Variants in EML6 observed in about 807,000 individuals in gnomAD.
EML6 encodes echinoderm microtubule-associated protein-like 6.
Under a neutral mutation model 240.1 loss-of-function variants are expected in EML6, and 154 were observed. That is an observed-to-expected ratio of 0.64 (90% confidence interval 0.56 to 0.73). The LOEUF (loss-of-function observed/expected upper bound fraction) is 0.73. EML6 is among the 30% of genes least tolerant of loss of function. EML6 has a pLI of 0.00. For missense variants in EML6, 2,964 were observed against 2,474.6 expected (o/e 1.20, Z -4.20); for synonymous variants, 1,148 against 899.0 (o/e 1.28, Z -4.95).
At chr2:54,890,560 G>A (rs1218784132) in intron 17 of EML6, among the ~76,000 whole-genome samples, 1 of 152,070 alleles carries the variant, frequency 6.6e-6, no homozygotes, top group African/African-American at 2.4e-5. Flanking sequence ...TGTGGGTCCA[G>A]GGCTTCAACT....
At chr2:54,893,421 C>T (rs1672584646) in intron 19 of EML6, among the ~76,000 whole-genome samples, 1 of 152,106 alleles carries the variant, frequency 6.6e-6, no homozygotes, top group African/African-American at 2.4e-5. Context: ...GGTCCGAAAT[C>T]ATCCTTTAGT....
intron 41 of EML6, among the ~76,000 whole-genome samples, chr2:54,969,374 G>A (rs1244351026): frequency 6.6e-6 from 1 of 152,162 alleles, no homozygotes; most frequent in Non-Finnish European, 1.5e-5. Context: ...GAGTTAGGTT[G>A]TAAGAAAGGC....
chr2:54,848,825 T>C (rs1268540600), intron 9 of EML6, among the ~76,000 whole-genome samples: 1 of 152,180 alleles, frequency 6.6e-6, no homozygotes, highest in Non-Finnish European at 1.5e-5. Context: ...AAACAAAATA[T>C]TCCAGTGACT....
intron 26 of EML6, among the ~76,000 whole-genome samples, chr2:54,920,866 G>A (rs1674209094): frequency 1.3e-5 from 2 of 152,080 alleles, no homozygotes; most frequent in African/African-American, 2.4e-5. Context: ...ATGCAAGTCA[G>A]TAAATGTGAT....
Position 54,725,137 on chromosome 2 carries a change from A to C in EML6, c.76A>C (p.Asn26His). 1 of 1,539,892 alleles carries C rather than the reference A, an allele frequency of 6.5e-7. No homozygotes were observed. Among genetic ancestry groups the C allele is most frequent in the East Asian group, 2.6e-5 (1 of 38,698 alleles). Residue 26 changes from asparagine to histidine, a missense_variant, in exon 2 of 42, where the codon AAC becomes CAC. Coordinates refer to ENST00000356458, the MANE Select transcript of EML6 (RefSeq NM_001039753.4). This position sits in a 1 kb window ranked among gnomAD's most constrained non-coding sequence, Gnocchi z 4.3. ...CGGGTACCGGGGTCACCAGTGCCGC[A>C]ACAACCTGTACTACACGGCAGGCAA... Reference protein sequence around the residue: ...VYGYRGHQCRNNLYYTAGKEV... With the variant: ...VYGYRGHQCRHNLYYTAGKEV...
intron 24 of EML6, among the ~76,000 whole-genome samples, 180 bp downstream of exon 24, chr2:54,903,682 T>C (rs1296698208): frequency 6.6e-6 from 1 of 152,250 alleles, no homozygotes; most frequent in Non-Finnish European, 1.5e-5. Context: ...TTGAATACTT[T>C]TTCCATCTTT....
intron 17 of EML6, chr2:54,881,717 G>A (rs1042535362): frequency 2.0e-5 from 3 of 151,456 alleles, no homozygotes; most frequent in African/African-American, 7.3e-5. Flanking sequence ...ATCCTTAACG[G>A]AATGATACCT....
At chr2:54,847,056 C>T (rs116626978) in intron 8 of EML6, among the ~76,000 whole-genome samples, 1,654 of 151,572 alleles carry the variant, frequency 0.011, 23 homozygotes, top group African/African-American at 0.038. Flanking sequence ...TACAGGCACA[C>T]ACTACCACAT....
At chr2:54,922,457 T>C (rs1299250972) in intron 26 of EML6, among the ~76,000 whole-genome samples, 2 of 152,126 alleles carry the variant, frequency 1.3e-5, no homozygotes, top group African/African-American at 4.8e-5. Flanking sequence ...AGTGTACAAA[T>C]TGGTGCAGTC....
chr2:54,806,652 C>T (rs1023374223), intron 2 of EML6, among the ~76,000 whole-genome samples: 3 of 116,118 alleles, frequency 2.6e-5, no homozygotes, highest in East Asian at 5.3e-4. Flanking sequence ...AAAGAATGTC[C>T]GTTTCTGGGG....
At chr2:54,779,120 A>C (rs6717514) in intron 2 of EML6, among the ~76,000 whole-genome samples, 21,013 of 152,116 alleles carry the variant, frequency 0.14, 3,107 homozygotes, top group African/African-American at 0.35. Context: ...CAGGAAGAAA[A>C]AGCCATTTTG....
At chr2:54,848,251 A>G (rs1233605434) in intron 9 of EML6, among the ~76,000 whole-genome samples, 1 of 152,226 alleles carries the variant, frequency 6.6e-6, no homozygotes, top group East Asian at 1.9e-4. Flanking sequence ...ATTCCTCTGA[A>G]TGCATTTGTC....
chr2:54,941,769 G>A (rs1675439441), intron 28 of EML6, among the ~76,000 whole-genome samples: 1 of 152,234 alleles, frequency 6.6e-6, no homozygotes, highest in Non-Finnish European at 1.5e-5. Flanking sequence ...CACGCGTAGT[G>A]CACGCAGGGC....
intron 11 of EML6, 89 bp from the exon 12 acceptor site, chr2:54,859,445 A>C (rs761666244): frequency 3.8e-5 from 37 of 977,470 alleles, no homozygotes; most frequent in Non-Finnish European, 5.2e-5. Context: ...TAAAGATTTT[A>C]CTCTTCAACA....
At chr2:54,846,484 AT>A (rs34903209) in intron 8 of EML6, among the ~76,000 whole-genome samples, 10,415 of 141,982 alleles carry the variant, frequency 0.073, 1,141 homozygotes, top group African/African-American at 0.25. Context: ...TTGATACATA[AT>A]TTTTTTTTTT....
At chr2:54,773,225 G>T (rs2103813054) in intron 2 of EML6, among the ~76,000 whole-genome samples, 1 of 152,336 alleles carries the variant, frequency 6.6e-6, no homozygotes, top group African/African-American at 2.4e-5. Flanking sequence ...TCTCTTGGAA[G>T]TAACCAGAGC....
At chr2:54,952,972 T>G (rs903777135) in intron 31 of EML6, among the ~76,000 whole-genome samples, 2 of 152,160 alleles carry the variant, frequency 1.3e-5, no homozygotes, top group African/African-American at 4.8e-5. Flanking sequence ...AGACCCCAAG[T>G]GTCAAGAACT....
chr2:54,908,966 C>T (rs553898276), intron 24 of EML6, among the ~76,000 whole-genome samples: 1 of 152,174 alleles, frequency 6.6e-6, no homozygotes, highest in Non-Finnish European at 1.5e-5. Flanking sequence ...ACAGCACTTA[C>T]GGTACTTGTC....
chr2:54,932,767 A>G (rs1021495437), intron 28 of EML6, among the ~76,000 whole-genome samples: 3 of 152,226 alleles, frequency 2.0e-5, no homozygotes, highest in African/African-American at 7.2e-5. Context: ...AGTTTTCCCC[A>G]ATTCGTCAAG....
Sources: allele counts gnomAD v4.1 joint callset (sites outside exome capture counted in the v4.1 genomes callset), GRCh38; gene constraint gnomAD v4.1.1; non-coding constraint Gnocchi (gnomAD v3.1); transcripts MANE v1.5; gene names NCBI Gene and HGNC (gene_info 2026-07-23, HGNC 2026-07-21).